The following ZMAT5 variants were observed in gnomAD, a reference collection of about 807,000 sequenced individuals.
ZMAT5 encodes zinc finger matrin-type protein 5.
In ZMAT5, 23 loss-of-function variants were observed where a neutral mutation model predicts 28.0. The ratio of observed to expected loss-of-function variants is 0.82; its 90% CI spans 0.59 to 1.16. The LOEUF (loss-of-function observed/expected upper bound fraction) is 1.16, where lower values mean the gene tolerates loss of function less well. ZMAT5 is among the 50% of genes most tolerant of loss of function. The pLI is 0.00. For missense variants in ZMAT5, 173 were observed against 212.7 expected, an observed-to-expected ratio of 0.81 and a Z score of 1.16; for synonymous variants, 76 against 84.1, an observed-to-expected ratio of 0.90 and a Z score of 0.52.
At chr22:29,741,477 T>C (rs1011147479) in intron 3 of ZMAT5, among the ~76,000 whole-genome samples, 2 of 152,196 alleles carry the variant, frequency 1.3e-5, no homozygotes, top group African/African-American at 4.8e-5. Flanking sequence ...TGAATCATCA[T>C]AGTTTTCCTC....
chr22:29,736,944 G>A (rs1170556739), intron 5 of ZMAT5, among the ~76,000 whole-genome samples: 1 of 150,658 alleles, frequency 6.6e-6, no homozygotes, highest in Non-Finnish European at 1.5e-5. Context: ...GGAGAATGGC[G>A]TGAACCCCAA....
intron 1 of ZMAT5, chr22:29,758,731 C>T (rs1055016166): frequency 6.7e-6 from 1 of 150,296 alleles, no homozygotes; most frequent in Non-Finnish European, 1.5e-5. Flanking sequence ...TACACACACA[C>T]AAAAAGTCCC....
intron 1 of ZMAT5, among the ~76,000 whole-genome samples, chr22:29,749,817 C>T (rs1449320274): frequency 6.6e-6 from 1 of 152,154 alleles, no homozygotes; most frequent in African/African-American, 2.4e-5. Context: ...TTATAAGGGG[C>T]TCTTCGTGCT....
chr22:29,743,591 C>T (rs963660226), intron 2 of ZMAT5, among the ~76,000 whole-genome samples: 12 of 151,986 alleles, frequency 7.9e-5, no homozygotes, highest in Non-Finnish European at 1.0e-4. Context: ...CCACCATGCC[C>T]GGCTAATTTT....
intron 5 of ZMAT5, among the ~76,000 whole-genome samples, chr22:29,736,576 C>A (rs112629541): frequency 6.6e-6 from 1 of 151,472 alleles, no homozygotes; most frequent in African/African-American, 2.4e-5. Flanking sequence ...AAAAATTAGC[C>A]GGGCATGGTG....
At chr22:29,738,695 G>C (rs2067931522) in intron 4 of ZMAT5, among the ~76,000 whole-genome samples, 2 of 152,104 alleles carry the variant, frequency 1.3e-5, no homozygotes, top group South Asian at 4.1e-4. Context: ...CTGGAAACAG[G>C]ACAGTGCTTG....
intron 5 of ZMAT5, among the ~76,000 whole-genome samples, chr22:29,735,155 G>C (rs2067892666): frequency 6.6e-6 from 1 of 152,188 alleles, no homozygotes; most frequent in Non-Finnish European, 1.5e-5. Context: ...TCAAAGCCCA[G>C]GACGGAGGGA....
chr22:29,745,326 A>ATG (rs1230462810), intron 2 of ZMAT5, among the ~76,000 whole-genome samples: 1 of 152,174 alleles, frequency 6.6e-6, no homozygotes, highest in African/African-American at 2.4e-5. Flanking sequence ...TGCCCAGCAG[A>ATG]TGCAGTGGCC....
In ZMAT5 at chr22:29,764,704, T is replaced by C. The variant is rs376626833; in HGVS notation, c.-28+2168A>G. The stretch of plus-strand genomic sequence containing the variant: ...TTTTAGTAGAGACAGGGTTTCACCA[T>C]GTTGGCCAGGCTAGTCTTGAACTCC... On this transcript the variant is annotated intron_variant, in intron 1 of 5. Transcript: ENST00000344318. 4.2e-3 allele frequency among the ~76,000 whole-genome samples: 637 copies of C among 152,270 alleles called. 6 individuals are homozygous for C. Among genetic ancestry groups the C allele is most frequent in the African/African-American group, 0.015 (610 of 41,560 alleles).
chr22:29,749,736 A>G (rs1333467907), intron 1 of ZMAT5, among the ~76,000 whole-genome samples: 2 of 152,114 alleles, frequency 1.3e-5, no homozygotes. Flanking sequence ...AGGTGGGGGT[A>G]ACTGACATGG....
At chr22:29,736,021 C>T (rs946815601) in intron 5 of ZMAT5, among the ~76,000 whole-genome samples, 2 of 152,190 alleles carry the variant, frequency 1.3e-5, no homozygotes, top group Non-Finnish European at 2.9e-5. Context: ...TCGCTCCCAG[C>T]GGAGGACACC....
chr22:29,759,176 C>T (rs1017564304), intron 1 of ZMAT5, among the ~76,000 whole-genome samples: 1 of 152,154 alleles, frequency 6.6e-6, no homozygotes, highest in African/African-American at 2.4e-5. Flanking sequence ...TCCCAAGAGG[C>T]CAGAGTTTCC....
chr22:29,738,293 A>G (rs751202947), intron 5 of ZMAT5, 37 bp downstream of exon 5: 1 of 1,571,640 alleles, frequency 6.4e-7, no homozygotes, highest in South Asian at 1.1e-5. Flanking sequence ...TTTTGCCCCC[A>G]GGGGGCACAG....
chr22:29,751,607 T>C (rs1353784010), intron 1 of ZMAT5, among the ~76,000 whole-genome samples: 1 of 152,156 alleles, frequency 6.6e-6, no homozygotes, highest in Non-Finnish European at 1.5e-5. Flanking sequence ...TGAAGTGACT[T>C]AGCCAAGGTC....
chr22:29,740,861 G>C, intron 3 of ZMAT5, 131 bp from the exon 4 acceptor site: 1 of 774,958 alleles, frequency 1.3e-6, no homozygotes, highest in Middle Eastern at 2.4e-4. Context: ...ACCCTGATCC[G>C]GGACAGAAAA....
At chr22:29,752,535 G>A (rs755825182) in intron 1 of ZMAT5, among the ~76,000 whole-genome samples, 23 of 151,898 alleles carry the variant, frequency 1.5e-4, no homozygotes, top group Non-Finnish European at 3.2e-4. Context: ...GGGTCAACAC[G>A]ACCCCACATT....
intron 1 of ZMAT5, 135 bp from the exon 2 acceptor site, chr22:29,748,706 G>C (rs2068031734): frequency 2.5e-6 from 3 of 1,189,844 alleles, no homozygotes; most frequent in Non-Finnish European, 3.5e-6. Context: ...GGAGTGTCAA[G>C]CTGATGAGTA....
intron 3 of ZMAT5, among the ~76,000 whole-genome samples, chr22:29,741,215 G>A (rs977795900): frequency 2.0e-5 from 3 of 152,200 alleles, no homozygotes; most frequent in Admixed American, 6.5e-5. Flanking sequence ...TTGCCAAAGA[G>A]GCACCAAAAT....
At chr22:29,733,442 G>T (rs1397316694) in intron 5 of ZMAT5, among the ~76,000 whole-genome samples, 1 of 152,222 alleles carries the variant, frequency 6.6e-6, no homozygotes, top group Non-Finnish European at 1.5e-5. Flanking sequence ...CAGAGTCAAG[G>T]ACTCCGGGGA....
Sources: gnomAD v4.1 joint callset for allele counts (sites outside exome capture counted in the v4.1 genomes callset) on GRCh38, gnomAD v4.1.1 for gene constraint, MANE v1.5 for transcripts, NCBI Gene and HGNC (gene_info 2026-07-23, HGNC 2026-07-21) for gene names.